DCDC1: variants seen among roughly 807,000 people sequenced by gnomAD.
The protein encoded by DCDC1 is doublecortin domain-containing protein 1.
DCDC1 carries 200 observed loss-of-function variants against 178.3 expected under a neutral mutation model. The observed-to-expected ratio is 1.12, with a 90% CI of 1.00 to 1.26. The LOEUF (loss-of-function observed/expected upper bound fraction) is 1.26, where lower values mean the gene tolerates loss of function less well. DCDC1 is among the 50% of genes most tolerant of loss of function. The pLI, the probability that DCDC1 is intolerant of heterozygous loss-of-function variation, is 0.00. For synonymous variants in DCDC1, 690 were observed against 604.8 expected (o/e 1.14, Z -2.07); for missense variants, 1,983 against 1,749.2 (o/e 1.13, Z -2.38).
intron 9 of DCDC1, among the ~76,000 whole-genome samples, chr11:31,150,379 A>C (rs986584960): frequency 6.6e-6 from 1 of 152,236 alleles, no homozygotes. Flanking sequence ...AACAATGGGA[A>C]ATAATATCAT....
intron 3 of DCDC1, among the ~76,000 whole-genome samples, chr11:31,311,303 G>A (rs542293880): frequency 1.3e-5 from 2 of 152,264 alleles, no homozygotes; most frequent in African/African-American, 2.4e-5. Context: ...GATGCACAAT[G>A]GAGGTACACA....
rs5790842 is a variant in DCDC1 at position 30,878,716 on chromosome 11, T to TA, written c.5234-6dup. ...TCTCCATCAGTTGTTTTAACTCTGT[T>TA]AAAAAAAAAAAAAAAAGAAGTTGAG... On this transcript the variant is annotated splice_region_variant and splice_polypyrimidine_tract_variant and intron_variant, in intron 37 of 38. Transcript: ENST00000684477. The TA allele has an allele frequency of 9.7e-3, 13,460 of 1,383,358 alleles. 1 individual carries two copies. Among genetic ancestry groups the TA allele is most frequent in the South Asian group, 0.015 (1,045 of 69,638 alleles). The allele number at this position is 1,383,358 out of a possible 1,614,324, so 85.7% of individuals were successfully genotyped here.
chr11:31,362,857 A>G (rs766275283), intron 1 of DCDC1, among the ~76,000 whole-genome samples: 3 of 152,178 alleles, frequency 2.0e-5, no homozygotes, highest in Non-Finnish European at 2.9e-5. Flanking sequence ...CCTTTAGCAT[A>G]CAAGACCTGT....
chr11:31,012,624 A>G (rs1021800181), intron 20 of DCDC1, among the ~76,000 whole-genome samples: 32 of 151,890 alleles, frequency 2.1e-4, no homozygotes, highest in African/African-American at 7.7e-4. Flanking sequence ...AAAAAAAAGA[A>G]AAGAAAAGAA....
intron 20 of DCDC1, among the ~76,000 whole-genome samples, chr11:31,054,503 T>A (rs968965635): frequency 6.6e-6 from 1 of 152,116 alleles, no homozygotes; most frequent in African/African-American, 2.4e-5. Flanking sequence ...AAAATTCATA[T>A]GGAAACAAAA....
Position 31,170,898 on chromosome 11 carries a change from T to C in DCDC1, c.1222-33114A>G, listed in dbSNP as rs577157322. On this transcript the variant is annotated intron_variant, in intron 9 of 38. Transcript: ENST00000684477. ...AGGCTGGAGTGCAATAGCGTGATCTTGGCTCACCGCAACCTTGCCTCCCGG... is the reference window on the plus strand; with the variant it reads ...AGGCTGGAGTGCAATAGCGTGATCTCGGCTCACCGCAACCTTGCCTCCCGG... Among the ~76,000 whole-genome samples the C allele has an allele frequency of 2.8e-4, 42 of 152,262 alleles. 1 individual carries two copies. In the South Asian group the frequency reaches 8.3e-3, roughly 30 times the overall value.
intron 36 of DCDC1, 131 bp from the exon 37 acceptor site, chr11:30,881,439 C>T (rs552650333): frequency 9.3e-6 from 11 of 1,179,498 alleles, no homozygotes; most frequent in South Asian, 7.8e-5. Flanking sequence ...GTTAGACATT[C>T]GTATAGAAGA....
At chr11:31,343,392 C>T (rs965850625) in intron 1 of DCDC1, among the ~76,000 whole-genome samples, 2 of 152,074 alleles carry the variant, frequency 1.3e-5, no homozygotes, top group Non-Finnish European at 2.9e-5. Context: ...CTGCAACCCC[C>T]ACCTCCCAGG....
chr11:31,113,304 T>G (rs1235987364), intron 11 of DCDC1, among the ~76,000 whole-genome samples: 2 of 152,168 alleles, frequency 1.3e-5, no homozygotes, highest in South Asian at 2.1e-4. Context: ...TTGTTTGTTT[T>G]TTTATTTTAA....
chr11:30,976,130 T>A (rs1950088817), intron 20 of DCDC1, among the ~76,000 whole-genome samples: 1 of 152,060 alleles, frequency 6.6e-6, no homozygotes, highest in Admixed American at 6.6e-5. Flanking sequence ...TATTCAATAA[T>A]CAGTTTTGGG....
At chr11:31,067,161 T>C (rs545949969) in intron 18 of DCDC1, among the ~76,000 whole-genome samples, 3 of 152,172 alleles carry the variant, frequency 2.0e-5, no homozygotes, top group South Asian at 4.1e-4. Context: ...AAAAACAACC[T>C]ACAGAATGAG....
At chr11:31,364,232 C>G (rs1951844863) in intron 1 of DCDC1, among the ~76,000 whole-genome samples, 1 of 152,132 alleles carries the variant, frequency 6.6e-6, no homozygotes, top group African/African-American at 2.4e-5. Flanking sequence ...CAGAGATAAT[C>G]CCATCACATG....
intron 9 of DCDC1, among the ~76,000 whole-genome samples, chr11:31,221,731 G>A (rs1392948523): frequency 6.6e-6 from 1 of 152,098 alleles, no homozygotes; most frequent in African/African-American, 2.4e-5. Flanking sequence ...CTTTATCAAA[G>A]GGTTGCTCAG....
chr11:31,369,469 C>G (rs1952158592), intron 1 of DCDC1, among the ~76,000 whole-genome samples: 1 of 152,178 alleles, frequency 6.6e-6, no homozygotes, highest in Admixed American at 6.5e-5. Flanking sequence ...CTTCTCACAT[C>G]CTTGCCCCCG....
At chr11:31,087,799 T>C (rs543624442) in intron 17 of DCDC1, among the ~76,000 whole-genome samples, 1 of 152,326 alleles carries the variant, frequency 6.6e-6, no homozygotes, top group East Asian at 1.9e-4. Context: ...TCTTCTGCTG[T>C]TATTGAATGC....
chr11:30,908,163 T>G (rs961910825), intron 29 of DCDC1, among the ~76,000 whole-genome samples: 1 of 151,080 alleles, frequency 6.6e-6, no homozygotes, highest in African/African-American at 2.4e-5. Context: ...ACCCACACAT[T>G]GCCTATGTGA....
At chr11:31,205,251 C>A (rs892386521) in intron 9 of DCDC1, among the ~76,000 whole-genome samples, 10 of 152,150 alleles carry the variant, frequency 6.6e-5, no homozygotes, top group Admixed American at 1.3e-4. Context: ...GTCTATAGGT[C>A]CTTGTATGGT....
intron 33 of DCDC1, 121 bp from the exon 34 acceptor site, chr11:30,899,763 A>G: frequency 1.4e-6 from 1 of 713,246 alleles, no homozygotes; most frequent in Non-Finnish European, 2.1e-6. Flanking sequence ...TTAAAAGGTA[A>G]GGGTCATTAA....
intron 2 of DCDC1, among the ~76,000 whole-genome samples, chr11:31,328,527 A>G (rs1315960468): frequency 6.6e-6 from 1 of 152,164 alleles, no homozygotes; most frequent in Non-Finnish European, 1.5e-5. Flanking sequence ...GGCCGGGTTC[A>G]GTGGCTCACA....
Sources: allele counts gnomAD v4.1 joint callset (sites outside exome capture counted in the v4.1 genomes callset), GRCh38; gene constraint gnomAD v4.1.1; transcripts MANE v1.5; gene names NCBI Gene and HGNC (gene_info 2026-07-23, HGNC 2026-07-21).